The following ATP11B variants were observed in gnomAD, a reference collection of about 807,000 sequenced individuals.
ATP11B encodes the protein ATPase phospholipid transporting 11B (putative).
In ATP11B, 81 loss-of-function variants were observed where a neutral mutation model predicts 157.8. The ratio of observed to expected loss-of-function variants is 0.51; its 90% CI spans 0.43 to 0.62. The LOEUF is 0.62. Among genes scored for constraint, ATP11B ranks in the 20% least tolerant of loss-of-function variants. The pLI is 0.00. For missense variants in ATP11B, 1,165 were observed against 1,402.2 expected (o/e 0.83, Z 2.70); for synonymous variants, 451 against 469.4 (o/e 0.96, Z 0.51).
At chr3:182,907,025 G>A (rs1248767383) in intron 28 of ATP11B, among the ~76,000 whole-genome samples, 15 of 151,734 alleles carry the variant, frequency 9.9e-5, no homozygotes, top group Admixed American at 2.6e-4. Flanking sequence ...CCTGGGAGGC[G>A]GAGCTTGCAT....
intron 18 of ATP11B, among the ~76,000 whole-genome samples, chr3:182,873,206 C>T (rs1721790901): frequency 6.6e-6 from 1 of 152,152 alleles, no homozygotes; most frequent in Non-Finnish European, 1.5e-5. Context: ...CAGAACCTAT[C>T]TCAATGTCTG....
intron 28 of ATP11B, among the ~76,000 whole-genome samples, chr3:182,908,674 G>A (rs757120621): frequency 4.6e-5 from 7 of 152,166 alleles, no homozygotes; most frequent in Non-Finnish European, 7.4e-5. Flanking sequence ...GGAGAAACAG[G>A]CCTTGAGTAA....
At chr3:182,833,538 G>A (rs1718312158) in intron 4 of ATP11B, 1 of 151,842 alleles carries the variant, frequency 6.6e-6, no homozygotes, top group African/African-American at 2.4e-5. Context: ...CATGTTGCCG[G>A]GTCTGGTCTC....
At chr3:182,839,299 G>A (rs564819018) in intron 7 of ATP11B, among the ~76,000 whole-genome samples, 3 of 152,252 alleles carry the variant, frequency 2.0e-5, no homozygotes, top group East Asian at 3.9e-4. Context: ...TGTGAGGAGG[G>A]AGAAGAGCAG....
rs1293104025 is a variant in ATP11B at position 182,793,739 on chromosome 3, C to G, written c.-21C>G. ...CCGCGGCCCCCGCGCCCCGCGGGACCCGGACGGCGACGACGGGGGAATGTG... is the reference window on the plus strand; with the variant it reads ...CCGCGGCCCCCGCGCCCCGCGGGACGCGGACGGCGACGACGGGGGAATGTG... On this transcript the variant is annotated 5_prime_UTR_variant, in exon 1 of 30. Coordinates refer to ENST00000323116, the MANE Select transcript of ATP11B (RefSeq NM_014616.3). 1 of 1,407,442 alleles carries G rather than the reference C, an allele frequency of 7.1e-7. No homozygotes were observed. Among genetic ancestry groups the G allele is most frequent in the Non-Finnish European group, 9.3e-7 (1 of 1,075,034 alleles). 87.2% of individuals were successfully genotyped at this position (1,407,442 alleles called of 1,614,324 possible).
intron 1 of ATP11B, among the ~76,000 whole-genome samples, 165 bp downstream of exon 1, chr3:182,793,951 T>G (rs1407968072): frequency 6.6e-6 from 1 of 151,748 alleles, no homozygotes. Flanking sequence ...AGAAGCCCCG[T>G]GCGGCTCCCG....
In ATP11B at chr3:182,896,591, A is replaced by G. The variant is rs1723564812; in HGVS notation, c.2983-109A>G. 8.0e-6 allele frequency: 7 copies of G among 873,642 alleles called. No homozygotes were observed. In the South Asian group the frequency reaches 1.1e-4, roughly 14 times the overall value. The allele number at this position is 873,642 out of a possible 1,614,324, so 54.1% of individuals were successfully genotyped here. The stretch of plus-strand genomic sequence containing the variant: ...GAGTATAGTCACCAGTTTCAAATGT[A>G]CCTGACTTAAATAATTCAAGGGATT... On this transcript the variant is annotated intron_variant, in intron 25 of 29. Transcript: ENST00000323116.
chr3:182,880,338 TCATGTACCCCA>T (rs1428941353), intron 20 of ATP11B, among the ~76,000 whole-genome samples: 7 of 152,296 alleles, frequency 4.6e-5, no homozygotes, highest in Non-Finnish European at 1.0e-4. Flanking sequence ...CTATGACAAT[TCATGTACCCCA>T]GTCTATGGAG....
intron 4 of ATP11B, chr3:182,833,990 C>CTGAAGGGGTTCTGAGCAGGATAGTGAA (rs1358482344): frequency 2.0e-5 from 3 of 152,180 alleles, no homozygotes; most frequent in African/African-American, 4.8e-5. Context: ...TTGAGAATCA[C>CTGAAGGGGTTCTGAGCAGGATAGTGAA]TGAAGGGGTT....
intron 29 of ATP11B, chr3:182,916,704 CAT>C (rs1725164374): frequency 3.1e-6 from 3 of 982,508 alleles, no homozygotes; most frequent in Non-Finnish European, 2.4e-6. Flanking sequence ...TATGAATGCA[CAT>C]GTGTGCTTTG....
chr3:182,881,535 G>C (rs1279689813), intron 21 of ATP11B, among the ~76,000 whole-genome samples: 2 of 148,912 alleles, frequency 1.3e-5, no homozygotes, highest in Non-Finnish European at 3.0e-5. Context: ...GCAAGACTCT[G>C]TCTCAAAAAA....
intron 17 of ATP11B, among the ~76,000 whole-genome samples, chr3:182,870,268 CAAAG>C (rs1225710340): frequency 6.6e-6 from 1 of 152,194 alleles, no homozygotes; most frequent in Non-Finnish European, 1.5e-5. Context: ...CTTGTTAAAA[CAAAG>C]AGCCATCATT....
chr3:182,853,186 C>T (rs1202098823), intron 10 of ATP11B, among the ~76,000 whole-genome samples: 1 of 152,096 alleles, frequency 6.6e-6, no homozygotes, highest in Non-Finnish European at 1.5e-5. Flanking sequence ...TCTCAGAATA[C>T]AAGGTAAATA....
intron 1 of ATP11B, among the ~76,000 whole-genome samples, chr3:182,800,964 G>A (rs977769817): frequency 1.4e-5 from 2 of 138,968 alleles, no homozygotes; most frequent in African/African-American, 5.4e-5. Flanking sequence ...CATGCCCAAC[G>A]GATTTTTTCG....
chr3:182,868,907 A>G (rs566732523), intron 15 of ATP11B, among the ~76,000 whole-genome samples, 171 bp from the exon 16 acceptor site: 113 of 152,082 alleles, frequency 7.4e-4, no homozygotes, highest in Non-Finnish European at 1.3e-3. Context: ...AGTCTCTTCT[A>G]TTTCTTCCCT....
chr3:182,799,683 A>G (rs1434005242), intron 1 of ATP11B, among the ~76,000 whole-genome samples: 2 of 152,202 alleles, frequency 1.3e-5, no homozygotes, highest in East Asian at 1.9e-4. Context: ...AAAAGGAAGT[A>G]AACGTGTATT....
intron 4 of ATP11B, chr3:182,833,780 G>T (rs1328829999): frequency 2.0e-5 from 3 of 152,168 alleles, no homozygotes; most frequent in East Asian, 1.9e-4. Flanking sequence ...TTGGAATATG[G>T]GTAAAATGAC....
chr3:182,920,463 C>T lies in ATP11B; in HGVS notation c.*2359C>T, dbSNP rs1232541017. The T allele has an allele frequency of 6.6e-6, 1 of 152,186 alleles. No individual in the cohort carries two copies. 9.4% of individuals were successfully genotyped at this position (152,186 alleles called of 1,614,324 possible). ...TCCTGTAAAACTCTTACTACGTAAC[C>T]AGTAATCACAAGGAAAGTGTCCCCT... On this transcript the variant is annotated 3_prime_UTR_variant, in exon 30 of 30. Coordinates refer to ENST00000323116, the MANE Select transcript of ATP11B (RefSeq NM_014616.3).
At chr3:182,889,672 A>T in intron 25 of ATP11B, 124 bp downstream of exon 25, 2 of 902,658 alleles carry the variant, frequency 2.2e-6, no homozygotes, top group East Asian at 3.3e-5. Context: ...AAATATAAAA[A>T]GGTTTAAATT....
Sources: gnomAD v4.1 joint callset for allele counts (sites outside exome capture counted in the v4.1 genomes callset) on GRCh38, gnomAD v4.1.1 for gene constraint, MANE v1.5 for transcripts, NCBI Gene and HGNC (gene_info 2026-07-23, HGNC 2026-07-21) for gene names.